BAG2: variants seen among roughly 807,000 people sequenced by gnomAD.
The protein encoded by BAG2 is BAG cochaperone 2.
In BAG2, 8 loss-of-function variants were observed where a neutral mutation model predicts 16.4. That is an observed-to-expected ratio of 0.49 (90% confidence interval 0.29 to 0.88). The LOEUF (loss-of-function observed/expected upper bound fraction) is 0.88, where lower values mean the gene tolerates loss of function less well. BAG2 is among the 40% of genes least tolerant of loss of function. BAG2 has a pLI of 0.09. For synonymous variants in BAG2, 82 were observed against 89.2 expected, an observed-to-expected ratio of 0.92 and a Z score of 0.46; for missense variants, 218 against 248.9, an observed-to-expected ratio of 0.88 and a Z score of 0.84.
Position 57,183,723 on chromosome 6 carries a change from C to A in BAG2, c.224-55C>A, listed in dbSNP as rs575325948. ...AGAAAATAATAAATTTAGTCACAAA[C>A]AAATGCCTTAATGTTTTTGACACAG... is the stretch of plus-strand genomic sequence containing the variant. On this transcript the variant is annotated intron_variant, in intron 2 of 2. Coordinates refer to ENST00000370693, the MANE Select transcript of BAG2 (RefSeq NM_004282.4). 158 of 1,424,286 alleles carry A rather than the reference C, an allele frequency of 1.1e-4. 1 individual carries two copies. The highest frequency in any genetic ancestry group is 9.0e-4 in the South Asian group (55 of 61,242). 88.2% of individuals were successfully genotyped at this position (1,424,286 alleles called of 1,614,324 possible). A position where few individuals can be genotyped will look rare whatever the true frequency, so the allele number is the denominator to read the frequency against.
Position 57,186,839 on chromosome 6 carries a change from A to T in BAG2, c.*2649A>T, listed in dbSNP as rs1158709273. 1.3e-5 allele frequency: 2 copies of T among 152,162 alleles called. No homozygotes were observed. Among genetic ancestry groups the T allele is most frequent in the Non-Finnish European group, 2.9e-5 (2 of 68,028 alleles). 9.4% of individuals were successfully genotyped at this position (152,162 alleles called of 1,614,324 possible). On this transcript the variant is annotated 3_prime_UTR_variant, in exon 3 of 3. Transcript: ENST00000370693. ...GGTAGCCCTCCTGCCATTCCTTGTT[A>T]GCACTACTTTCAATAAAATGAGAGT...
At chr6:57,179,635 C>T (rs1255711987) in intron 1 of BAG2, among the ~76,000 whole-genome samples, 1 of 152,196 alleles carries the variant, frequency 6.6e-6, no homozygotes, top group African/African-American at 2.4e-5. Flanking sequence ...CTGTCACTTT[C>T]ATTTTGCAAA....
intron 1 of BAG2, among the ~76,000 whole-genome samples, chr6:57,176,863 TACTC>T (rs1402650603): frequency 2.0e-5 from 3 of 151,172 alleles, no homozygotes; most frequent in Non-Finnish European, 2.9e-5. Context: ...GGAGGGCACA[TACTC>T]TCTCTCCTAG....
rs1472022401 is a variant in BAG2 at position 57,188,054 on chromosome 6, C to T, written c.*3864C>T. 6.6e-6 allele frequency: 1 copy of T among 151,996 alleles called. No individual in the cohort carries two copies. The highest frequency in any genetic ancestry group is 1.9e-4 in the East Asian group (1 of 5,200). 9.4% of individuals were successfully genotyped at this position (151,996 alleles called of 1,614,324 possible). A position where few individuals can be genotyped will look rare whatever the true frequency, so the allele number is the denominator to read the frequency against. Reference sequence around the variant, plus strand: ...GTTATTCCACAGCGATATGTCTACGCAAAAGATTAGCCGTAATGTTAAAAA... The same window carrying T: ...GTTATTCCACAGCGATATGTCTACGTAAAAGATTAGCCGTAATGTTAAAAA... On this transcript the variant is annotated 3_prime_UTR_variant, in exon 3 of 3. Coordinates refer to ENST00000370693, the MANE Select transcript of BAG2 (RefSeq NM_004282.4).
chr6:57,188,113 A>AATC lies in BAG2; in HGVS notation c.*3924_*3926dup, dbSNP rs1310031963. On this transcript the variant is annotated 3_prime_UTR_variant, in exon 3 of 3. Transcript: ENST00000370693. ...AGAGCACAAATGCACAATCACCTGGAATCTTGGAAAAGTTTTTCTTTAGTA... is the reference window on the plus strand; with the variant it reads ...AGAGCACAAATGCACAATCACCTGGAATCATCTTGGAAAAGTTTTTCTTTAGTA... 6.6e-6 allele frequency: 1 copy of AATC among 152,192 alleles called. No individual in the cohort carries two copies. The highest frequency in any genetic ancestry group is 1.5e-5 in the Non-Finnish European group (1 of 68,020). The allele number at this position is 152,192 out of a possible 1,614,324, so 9.4% of individuals were successfully genotyped here. A position where few individuals can be genotyped will look rare whatever the true frequency, so the allele number is the denominator to read the frequency against.
At chr6:57,179,167 T>C (rs1764369048) in intron 1 of BAG2, among the ~76,000 whole-genome samples, 1 of 152,226 alleles carries the variant, frequency 6.6e-6, no homozygotes, top group Admixed American at 6.5e-5. Context: ...TCCTATGTTC[T>C]GGGCCCTAGT....
Position 57,172,552 on chromosome 6 carries a change from C to T in BAG2, c.-146C>T. The T allele has an allele frequency of 1.7e-6, 1 of 590,754 alleles. No homozygotes were observed. Among genetic ancestry groups the T allele is most frequent in the Non-Finnish European group, 2.7e-6 (1 of 369,420 alleles). The allele number at this position is 590,754 out of a possible 1,614,324, so 36.6% of individuals were successfully genotyped here. ...GGCTACGCTGCAGCCGCGGTGTCGGCGAGTCCTCCCGGGTTGCCCCCGCGG... is the reference window on the plus strand; with the variant it reads ...GGCTACGCTGCAGCCGCGGTGTCGGTGAGTCCTCCCGGGTTGCCCCCGCGG... On this transcript the variant is annotated 5_prime_UTR_variant, in exon 1 of 3. Transcript: ENST00000370693.
chr6:57,174,810 C>G (rs1052450508), intron 1 of BAG2, among the ~76,000 whole-genome samples: 2 of 152,102 alleles, frequency 1.3e-5, no homozygotes, highest in South Asian at 4.1e-4. Context: ...ACATGAAACT[C>G]ATATGTAATT....
At chr6:57,175,681 C>A (rs960597369) in intron 1 of BAG2, among the ~76,000 whole-genome samples, 1 of 152,128 alleles carries the variant, frequency 6.6e-6, no homozygotes, top group African/African-American at 2.4e-5. Flanking sequence ...CCATAAGAAC[C>A]CAAAAAGGAC....
At chr6:57,173,357 G>A (rs1450589019) in intron 1 of BAG2, 2 of 985,254 alleles carry the variant, frequency 2.0e-6, no homozygotes, top group African/African-American at 1.7e-5. Flanking sequence ...ACAGGAGTGA[G>A]GGGTAGGCAG....
At chr6:57,179,382 C>G (rs950450674) in intron 1 of BAG2, among the ~76,000 whole-genome samples, 1 of 152,106 alleles carries the variant, frequency 6.6e-6, no homozygotes, top group African/African-American at 2.4e-5. Context: ...TATTTAATAT[C>G]TTGAAGAATA....
At chr6:57,178,456 G>C (rs527810122) in intron 1 of BAG2, among the ~76,000 whole-genome samples, 1 of 152,248 alleles carries the variant, frequency 6.6e-6, no homozygotes, top group East Asian at 1.9e-4. Context: ...AGGGCCAAAA[G>C]GAGCATGAAT....
Position 57,173,002 on chromosome 6 carries a change from C to G in BAG2, c.113+192C>G, listed in dbSNP as rs1764170204. The G allele has an allele frequency of 7.6e-6, 5 of 659,372 alleles. No homozygotes were observed. In the South Asian group the frequency reaches 1.3e-4, roughly 18 times the overall value. 40.8% of individuals were successfully genotyped at this position (659,372 alleles called of 1,614,324 possible). On this transcript the variant is annotated intron_variant, in intron 1 of 2. Coordinates refer to ENST00000370693, the MANE Select transcript of BAG2 (RefSeq NM_004282.4). ...TTGTTTGTTTCTTGGATTATCTCCC[C>G]TAGTCCGAGAGAAAACGCATTCGAT...
chr6:57,181,575 A>G (rs1764445828), intron 1 of BAG2, among the ~76,000 whole-genome samples: 2 of 152,074 alleles, frequency 1.3e-5, no homozygotes, highest in African/African-American at 4.8e-5. Flanking sequence ...TACTAAAACT[A>G]CAGAAATTAG....
In BAG2 at chr6:57,184,359, A is replaced by G. The variant is rs1001127673; in HGVS notation, c.*169A>G. ...TATCTTCAGTTTTGTGAATAACAAAACTAGCAATATTTTAATTATCTATCT... is the reference window on the plus strand; with the variant it reads ...TATCTTCAGTTTTGTGAATAACAAAGCTAGCAATATTTTAATTATCTATCT... On this transcript the variant is annotated 3_prime_UTR_variant, in exon 3 of 3. Coordinates refer to ENST00000370693, the MANE Select transcript of BAG2 (RefSeq NM_004282.4). 3.7e-6 allele frequency: 2 copies of G among 537,346 alleles called. No homozygotes were observed. Among genetic ancestry groups the G allele is most frequent in the African/African-American group, 3.9e-5 (2 of 50,888 alleles). The allele number at this position is 537,346 out of a possible 1,614,324, so 33.3% of individuals were successfully genotyped here. A position where few individuals can be genotyped will look rare whatever the true frequency, so the allele number is the denominator to read the frequency against.
rs1764566816 is a variant in BAG2, at chr6:57,184,532, G to A, written c.*342G>A. The A allele has an allele frequency of 1.2e-5, 2 of 168,810 alleles. No individual in the cohort carries two copies. The highest frequency in any genetic ancestry group is 6.0e-5 in the Admixed American group (1 of 16,614). The allele number at this position is 168,810 out of a possible 1,614,324, so 10.5% of individuals were successfully genotyped here. On this transcript the variant is annotated 3_prime_UTR_variant, in exon 3 of 3. Coordinates refer to ENST00000370693, the MANE Select transcript of BAG2 (RefSeq NM_004282.4). ...TTTTTCCTGTCTGGCATGGAATCACGCAGTCACCTTGGGCATTTAGTTTAC... is the reference window on the plus strand; with the variant it reads ...TTTTTCCTGTCTGGCATGGAATCACACAGTCACCTTGGGCATTTAGTTTAC...
chr6:57,176,689 G>A (rs1764294662), intron 1 of BAG2, among the ~76,000 whole-genome samples: 3 of 152,208 alleles, frequency 2.0e-5, no homozygotes, highest in Admixed American at 1.3e-4. Flanking sequence ...GGTTGGGGGT[G>A]ATAGGGATCA....
chr6:57,172,440 GCTCGCGAAC>G lies in BAG2; in HGVS notation c.-254_-246del, dbSNP rs1442617179. 3.4e-6 allele frequency: 1 copy of G among 292,550 alleles called. No individual in the cohort carries two copies. Among genetic ancestry groups the G allele is most frequent in the Non-Finnish European group, 6.3e-6 (1 of 157,800 alleles). 18.1% of individuals were successfully genotyped at this position (292,550 alleles called of 1,614,324 possible). ...GTCGGCCCATCCTCGAGCCCGTGTG[GCTCGCGAAC>G]CTCTAACTCCAGCCGCTGCAGCCCC... On this transcript the variant is annotated 5_prime_UTR_variant, in exon 1 of 3. Transcript: ENST00000370693.
intron 1 of BAG2, chr6:57,173,080 C>G: frequency 1.1e-6 from 1 of 942,104 alleles, no homozygotes; most frequent in Non-Finnish European, 1.3e-6. Flanking sequence ...ATTAATTTAC[C>G]TAGGTGTTAG....
Sources: allele counts gnomAD v4.1 joint callset (sites outside exome capture counted in the v4.1 genomes callset), GRCh38; gene constraint gnomAD v4.1.1; transcripts MANE v1.5; gene names NCBI Gene and HGNC (gene_info 2026-07-23, HGNC 2026-07-21).